LARP1B: variants seen among roughly 807,000 people sequenced by gnomAD.
The protein encoded by LARP1B is La ribonucleoprotein 1B.
A neutral mutation model predicts 114.2 loss-of-function variants in LARP1B; 76 were observed. The observed-to-expected ratio is 0.67, with a 90% CI of 0.55 to 0.81. The LOEUF is 0.81. LARP1B is among the 30% of genes least tolerant of loss of function. The probability of loss-of-function intolerance (pLI) is 0.00; values close to 1 mark genes in which losing one functional copy is unlikely to be tolerated. For missense variants in LARP1B, 1,014 were observed against 1,075.8 expected (o/e 0.94, Z 0.80); for synonymous variants, 345 against 348.0 (o/e 0.99, Z 0.10).
At chr4:128,213,735 T>C (rs4975271), downstream of LARP1B, among the ~76,000 whole-genome samples, 58,840 of 152,092 alleles carry the variant, frequency 0.39, 13,248 homozygotes, top group Non-Finnish European at 0.51. Context: ...TCCTCCTCCT[T>C]TTAAGAGATT....
At chr4:128,090,963 C>G in intron 5 of LARP1B, 38 bp from the exon 6 acceptor site, 2 of 1,441,604 alleles carry the variant, frequency 1.4e-6, no homozygotes, top group Non-Finnish European at 1.9e-6. Context: ...TTTTACTTGG[C>G]AAATCGAAGT....
chr4:128,198,137 G>A (rs970444475), intron 15 of LARP1B, among the ~76,000 whole-genome samples: 6 of 151,886 alleles, frequency 4.0e-5, no homozygotes, highest in Admixed American at 6.6e-5. Context: ...CGCCAACCTC[G>A]GCCTCCCAAA....
intron 17 of LARP1B, among the ~76,000 whole-genome samples, chr4:128,204,655 CAA>C (rs1166939696): frequency 2.4e-5 from 3 of 126,862 alleles, no homozygotes; most frequent in Non-Finnish European, 3.4e-5. Context: ...AACTCTGTCT[CAA>C]AAAAAAAAAA....
chr4:128,077,903 A>C lies in LARP1B; in HGVS notation c.158A>C (p.Asn53Thr). Residue 53 changes from asparagine to threonine, a missense_variant, in exon 4 of 20, where the codon AAT becomes ACT. Physicochemically the swap from Asn to Thr is moderately conservative, Grantham distance 65. Transcript: ENST00000326639. Reference sequence around the variant, plus strand: ...AAAGAAAACCGGGAAACAAAATTAAATGGTCCTGGTGAAAACGTCAGTGAG... The same window carrying C: ...AAAGAAAACCGGGAAACAAAATTAACTGGTCCTGGTGAAAACGTCAGTGAG... ...DSKENRETKL[N>T]GPGENVSEDE... 1 of 1,613,728 alleles carries C rather than the reference A, an allele frequency of 6.2e-7. No individual in the cohort carries two copies. Among genetic ancestry groups the C allele is most frequent in the Non-Finnish European group, 8.5e-7 (1 of 1,179,858 alleles).
At chr4:128,062,001 AGCCGCCACCGCCACCGCC>A in intron 1 of LARP1B, 1 of 984,756 alleles carries the variant, frequency 1.0e-6, no homozygotes, top group Non-Finnish European at 1.2e-6. Context: ...TTCGGCGGGG[AGCCGCCACCGCCACCGCC>A]GCCGCCGTCG....
At position 128,219,548 on chromosome 4, in the gene LARP1B, A is replaced by G. The variant is rs866527446; in HGVS notation, n.849-807A>G. Among the ~76,000 whole-genome samples, 421 of 105,266 alleles carry G rather than the reference A, an allele frequency of 4.0e-3. 1 individual carries two copies. The highest frequency in any genetic ancestry group is 6.3e-3 in the Non-Finnish European group (329 of 52,280). The allele number at this position is 105,266 out of a possible 152,430, so 69.1% of individuals were successfully genotyped here. The stretch of plus-strand genomic sequence containing the variant: ...TTCTCAGTAAACTATCGCAAGAACA[A>G]AAAACCAAACACCGCATATTCTCAC... On this transcript the variant is annotated intron_variant and non_coding_transcript_variant, in intron 6 of 7. Transcript: ENST00000503725.
chr4:128,216,558 G>A (rs1338188261), downstream of LARP1B, among the ~76,000 whole-genome samples: 10 of 149,924 alleles, frequency 6.7e-5, no homozygotes, highest in East Asian at 5.8e-4. Flanking sequence ...GGTACATAAC[G>A]AAATGAAGGC....
At chr4:128,175,602 C>A (rs1431430679) in intron 12 of LARP1B, among the ~76,000 whole-genome samples, 1 of 152,062 alleles carries the variant, frequency 6.6e-6, no homozygotes, top group East Asian at 1.9e-4. Context: ...ATGCTTGCTT[C>A]TTTCTTTTTA....
At chr4:128,100,228 G>A (rs1416446231) in intron 8 of LARP1B, among the ~76,000 whole-genome samples, 1 of 152,122 alleles carries the variant, frequency 6.6e-6, no homozygotes, top group Non-Finnish European at 1.5e-5. Context: ...CTCCCAAAGT[G>A]CCGGGATTAC....
chr4:128,164,913 C>T (rs947311757), intron 12 of LARP1B, among the ~76,000 whole-genome samples: 7 of 151,768 alleles, frequency 4.6e-5, no homozygotes, highest in African/African-American at 1.7e-4. Context: ...GAAAAATAGG[C>T]AGCAGTGGAA....
chr4:128,096,814 A>G (rs931232249), intron 7 of LARP1B, among the ~76,000 whole-genome samples: 4 of 151,796 alleles, frequency 2.6e-5, no homozygotes, highest in Admixed American at 2.0e-4. Context: ...GTTAGCCAGG[A>G]TGGTCTCGAT....
chr4:128,104,030 T>C (rs1291218494), intron 8 of LARP1B, among the ~76,000 whole-genome samples: 1 of 151,930 alleles, frequency 6.6e-6, no homozygotes, highest in East Asian at 1.9e-4. Context: ...TATTTAGAGA[T>C]GGAGTCTCAT....
Position 128,211,643 on chromosome 4 carries a change from T to G in LARP1B, c.*1590T>G. ...TTCAAGTCTTTTCTTAAATGGGGTATGTAGTTCCAGCTTTTCAGTGAGAAA... is the reference window on the plus strand; with the variant it reads ...TTCAAGTCTTTTCTTAAATGGGGTAGGTAGTTCCAGCTTTTCAGTGAGAAA... On this transcript the variant is annotated 3_prime_UTR_variant, in exon 20 of 20. Transcript: ENST00000326639. 1 of 983,668 alleles carries G rather than the reference T, an allele frequency of 1.0e-6. No individual in the cohort carries two copies. Among genetic ancestry groups the G allele is most frequent in the East Asian group, 1.1e-4 (1 of 8,808 alleles). The allele number at this position is 983,668 out of a possible 1,614,324, so 60.9% of individuals were successfully genotyped here.
intron 8 of LARP1B, among the ~76,000 whole-genome samples, chr4:128,103,238 CTT>C (rs1426408773): frequency 6.6e-6 from 1 of 151,976 alleles, no homozygotes; most frequent in East Asian, 1.9e-4. Context: ...TTATATGATC[CTT>C]TTATGGCCTG....
intron 15 of LARP1B, among the ~76,000 whole-genome samples, chr4:128,184,962 G>A (rs1749796491): frequency 6.6e-6 from 1 of 151,868 alleles, no homozygotes; most frequent in Non-Finnish European, 1.5e-5. Context: ...GTATGTTTAT[G>A]TATGTGCCTA....
chr4:128,141,450 A>G (rs1399617129), intron 11 of LARP1B, among the ~76,000 whole-genome samples: 1 of 152,150 alleles, frequency 6.6e-6, no homozygotes, highest in Non-Finnish European at 1.5e-5. Flanking sequence ...TAGAAACTCA[A>G]ATATGCTAAT....
chr4:128,063,640 G>C (rs560190975), intron 1 of LARP1B, among the ~76,000 whole-genome samples: 2 of 150,730 alleles, frequency 1.3e-5, no homozygotes, highest in Admixed American at 6.6e-5. Flanking sequence ...TTAACCTGGC[G>C]TGGTGGCGCA....
chr4:128,109,038 A>G (rs767816200), intron 9 of LARP1B: 2 of 160,560 alleles, frequency 1.2e-5, no homozygotes, highest in Non-Finnish European at 2.6e-5. Flanking sequence ...TAGATGGTTA[A>G]TGAAGAAATA....
intron 1 of LARP1B, chr4:128,069,641 C>G: frequency 4.9e-6 from 3 of 616,058 alleles, no homozygotes; most frequent in Non-Finnish European, 5.8e-6. Context: ...TGCTGCTAGA[C>G]AGAAGGGGCA....
Sources: allele counts gnomAD v4.1 joint callset (sites outside exome capture counted in the v4.1 genomes callset), GRCh38; gene constraint gnomAD v4.1.1; transcripts MANE v1.5; gene names NCBI Gene and HGNC (gene_info 2026-07-23, HGNC 2026-07-21).